MAGI1: variants seen among roughly 807,000 people sequenced by gnomAD.
MAGI1 encodes the protein membrane-associated guanylate kinase, WW and PDZ domain-containing protein 1.
Under a neutral mutation model 139.9 loss-of-function variants are expected in MAGI1, and 58 were observed. That is an observed-to-expected ratio of 0.41 (90% CI 0.34 to 0.52). The LOEUF is 0.52. MAGI1 is among the 20% of genes least tolerant of loss of function. The pLI is 0.12. For synonymous variants in MAGI1, 812 were observed against 737.9 expected, an observed-to-expected ratio of 1.10 and a Z score of -1.63; for missense variants, 1,874 against 1,901.6, an observed-to-expected ratio of 0.99 and a Z score of 0.27.
rs1575587119 is a variant in MAGI1, at chr3:65,355,767, T to A, written c.*611A>T. On this transcript the variant is annotated 3_prime_UTR_variant, in exon 23 of 23. Coordinates refer to ENST00000402939, the MANE Select transcript of MAGI1 (RefSeq NM_001033057.2). ...ACTATAACTCACAATATAAAACTTC[T>A]TTGTGCTGCGCAGTTTAGCTATAAA... 6.6e-6 allele frequency: 1 copy of A among 152,652 alleles called. No homozygotes were observed. The highest frequency in any genetic ancestry group is 1.9e-4 in the East Asian group (1 of 5,192). The allele number at this position is 152,652 out of a possible 1,614,324, so 9.5% of individuals were successfully genotyped here.
intron 1 of MAGI1, among the ~76,000 whole-genome samples, chr3:66,023,837 G>A (rs552090326): frequency 1.3e-5 from 2 of 152,276 alleles, no homozygotes; most frequent in Admixed American, 6.5e-5. Flanking sequence ...TCAAATTCAC[G>A]TGAACATCAA....
chr3:65,521,721 C>G (rs2078172097), intron 2 of MAGI1, among the ~76,000 whole-genome samples: 1 of 152,014 alleles, frequency 6.6e-6, no homozygotes, highest in Non-Finnish European at 1.5e-5. Flanking sequence ...TCATTTCAGG[C>G]CCAAGAGCTT....
At chr3:65,420,975 A>G (rs930983220) in intron 12 of MAGI1, among the ~76,000 whole-genome samples, 3 of 152,240 alleles carry the variant, frequency 2.0e-5, no homozygotes, top group African/African-American at 2.4e-5. Flanking sequence ...CAAATGTTAA[A>G]TAAGTAAAGC....
At chr3:66,023,201 C>T (rs1037335333) in intron 1 of MAGI1, among the ~76,000 whole-genome samples, 72 of 152,178 alleles carry the variant, frequency 4.7e-4, no homozygotes, top group African/African-American at 1.6e-3. Flanking sequence ...ATTTGAATTC[C>T]TAGACAGTCT....
At chr3:65,861,688 A>T (rs1423932196) in intron 1 of MAGI1, among the ~76,000 whole-genome samples, 2 of 152,126 alleles carry the variant, frequency 1.3e-5, no homozygotes, top group Non-Finnish European at 1.5e-5. Flanking sequence ...CATAATGGTG[A>T]GTGGGAGCTT....
intron 1 of MAGI1, among the ~76,000 whole-genome samples, chr3:66,008,530 A>G (rs2067151984): frequency 6.6e-6 from 1 of 152,218 alleles, no homozygotes; most frequent in Admixed American, 6.5e-5. Context: ...CACAACCCAT[A>G]CAACCACAAA....
At chr3:65,534,040 C>T (rs1378224759) in intron 2 of MAGI1, among the ~76,000 whole-genome samples, 1 of 152,182 alleles carries the variant, frequency 6.6e-6, no homozygotes, top group Non-Finnish European at 1.5e-5. Flanking sequence ...GCTTGTGAGA[C>T]AGAGAACTAC....
At chr3:66,009,175 C>A (rs981369579) in intron 1 of MAGI1, 2 of 152,216 alleles carry the variant, frequency 1.3e-5, no homozygotes, top group African/African-American at 4.8e-5. Context: ...GGTGGCTGCC[C>A]CAGGACATTG....
intron 3 of MAGI1, among the ~76,000 whole-genome samples, chr3:65,490,051 C>T (rs1951894226): frequency 6.6e-6 from 1 of 152,136 alleles, no homozygotes; most frequent in Non-Finnish European, 1.5e-5. Flanking sequence ...AGACATTTTA[C>T]TGGCAAATCT....
chr3:65,662,045 C>T (rs2086229570), intron 1 of MAGI1, among the ~76,000 whole-genome samples: 2 of 152,142 alleles, frequency 1.3e-5, no homozygotes, highest in Admixed American at 1.3e-4. Flanking sequence ...CCATGCCCAG[C>T]CTCATCTTTG....
intron 1 of MAGI1, among the ~76,000 whole-genome samples, chr3:65,711,374 T>C (rs2031389973): frequency 1.3e-5 from 2 of 152,212 alleles, no homozygotes; most frequent in South Asian, 4.1e-4. Flanking sequence ...ATAAACGTTT[T>C]ATTCAAATGT....
rs1559503332 is a variant in MAGI1 at position 65,371,897 on chromosome 3, CT to C, written c.3196+3847del. 3 of 448,426 alleles carry C rather than the reference CT, an allele frequency of 6.7e-6. No individual in the cohort carries two copies. In the Admixed American group the frequency reaches 7.3e-5, roughly 11 times the overall value. The allele number at this position is 448,426 out of a possible 1,614,324, so 27.8% of individuals were successfully genotyped here. On this transcript the variant is annotated intron_variant, in intron 18 of 22. Coordinates refer to ENST00000402939, the MANE Select transcript of MAGI1 (RefSeq NM_001033057.2). ...TCCGGCTCCACTTCCAATTCTACTT[CT>C]CTTGCTATTTCCACCACAAAGGAAC...
intron 1 of MAGI1, among the ~76,000 whole-genome samples, chr3:65,786,251 CT>C (rs3077812): frequency 1.6e-3 from 187 of 114,822 alleles, no homozygotes; most frequent in African/African-American, 4.4e-3. Context: ...CCAATCATAA[CT>C]TTTTTTTTTT....
intron 1 of MAGI1, among the ~76,000 whole-genome samples, chr3:65,671,822 C>G (rs1467582016): frequency 6.6e-6 from 1 of 152,294 alleles, no homozygotes; most frequent in East Asian, 1.9e-4. Flanking sequence ...TGACAGGCTT[C>G]TATTCACACT....
At chr3:65,591,833 C>A (rs2081977439) in intron 2 of MAGI1, among the ~76,000 whole-genome samples, 1 of 152,142 alleles carries the variant, frequency 6.6e-6, no homozygotes, top group Non-Finnish European at 1.5e-5. Context: ...GCACATGGCT[C>A]CTTCCCTCAT....
At chr3:65,890,772 G>A (rs1575871483) in intron 1 of MAGI1, among the ~76,000 whole-genome samples, 1 of 152,302 alleles carries the variant, frequency 6.6e-6, no homozygotes, top group East Asian at 1.9e-4. Context: ...TGGCAACCCA[G>A]ATTCCAATTT....
chr3:65,736,136 T>G (rs1235659502), intron 1 of MAGI1, among the ~76,000 whole-genome samples: 1 of 152,348 alleles, frequency 6.6e-6, no homozygotes, highest in Non-Finnish European at 1.5e-5. Flanking sequence ...GTTCATTCTC[T>G]GTTACCATCA....
Position 65,356,337 on chromosome 3 carries a change from G to C in MAGI1, c.*41C>G, listed in dbSNP as rs757263313. 6.6e-7 allele frequency: 1 copy of C among 1,509,520 alleles called. No individual in the cohort carries two copies. Among genetic ancestry groups the C allele is most frequent in the Non-Finnish European group, 8.8e-7 (1 of 1,136,836 alleles). 93.5% of individuals were successfully genotyped at this position (1,509,520 alleles called of 1,614,324 possible). A position where few individuals can be genotyped will look rare whatever the true frequency, so the allele number is the denominator to read the frequency against. On this transcript the variant is annotated 3_prime_UTR_variant, in exon 23 of 23. Transcript: ENST00000402939. ...TTTCAGGTTTGTGACTTTCCTCTTA[G>C]AACCTTTGACACGGTAAAGGTTGGA...
chr3:65,836,346 C>T (rs938048788), intron 1 of MAGI1, among the ~76,000 whole-genome samples: 14 of 152,180 alleles, frequency 9.2e-5, no homozygotes, highest in Admixed American at 5.9e-4. Flanking sequence ...ACTCTGCAGG[C>T]ACAGTATAAT....
Sources: gnomAD v4.1 joint callset for allele counts (sites outside exome capture counted in the v4.1 genomes callset) on GRCh38, gnomAD v4.1.1 for gene constraint, MANE v1.5 for transcripts, NCBI Gene and HGNC (gene_info 2026-07-23, HGNC 2026-07-21) for gene names.